ANXA10: variants seen among roughly 807,000 people sequenced by gnomAD.
ANXA10 encodes annexin A10, also known as annexin 14.
ANXA10 carries 49 observed loss-of-function variants against 53.5 expected under a neutral mutation model. That is an observed-to-expected ratio of 0.92 (90% CI 0.73 to 1.16). The LOEUF (loss-of-function observed/expected upper bound fraction) is 1.16, where lower values mean the gene tolerates loss of function less well. Ranked by LOEUF, ANXA10 falls within the 50% of genes most tolerant of loss-of-function variation. ANXA10 has a pLI of 0.00. For missense variants in ANXA10, 393 were observed against 394.4 expected, an observed-to-expected ratio of 1.00 and a Z score of 0.03; for synonymous variants, 131 against 128.9, an observed-to-expected ratio of 1.02 and a Z score of -0.11.
At position 168,162,559 on chromosome 4, in the gene ANXA10, C is replaced by T. The variant is rs375945140; in HGVS notation, c.227C>T (p.Ser76Leu). ...ATTGGGGATATGAGGGAGCAGCTTTCGGATCACTTCAAAGATGTGATGGCT... is the reference window on the plus strand; with the variant it reads ...ATTGGGGATATGAGGGAGCAGCTTTTGGATCACTTCAAAGATGTGATGGCT... ...DLIGDMREQL[S>L]DHFKDVMAGL... The change falls in exon 4 of 12, where the codon TCG (serine) becomes TTG (leucine). Residue 76 changes from serine to leucine, a missense_variant. Physicochemically the swap from Ser to Leu is moderately radical, Grantham distance 145 (BLOSUM62 -2). Coordinates refer to ENST00000359299, the MANE Select transcript of ANXA10 (RefSeq NM_007193.5). 28 of 1,613,738 alleles carry T rather than the reference C, an allele frequency of 1.7e-5. 1 individual carries two copies. The Admixed American group carries it at 2.0e-4, about 12-fold the overall frequency.
intron 3 of ANXA10, among the ~76,000 whole-genome samples, chr4:168,142,542 T>C (rs1190674085): frequency 2.0e-5 from 3 of 152,152 alleles, no homozygotes; most frequent in Non-Finnish European, 2.9e-5. Flanking sequence ...GGGCTGCTAA[T>C]ACATCCTTTT....
At chr4:168,129,151 G>T (rs1731119320) in intron 2 of ANXA10, among the ~76,000 whole-genome samples, 2 of 152,098 alleles carry the variant, frequency 1.3e-5, no homozygotes, top group Non-Finnish European at 2.9e-5. Context: ...CGCCTTTACA[G>T]GAGCTTGACT....
At chr4:168,125,255 C>T (rs1579211083) in intron 1 of ANXA10, among the ~76,000 whole-genome samples, 1 of 152,152 alleles carries the variant, frequency 6.6e-6, no homozygotes, top group Non-Finnish European at 1.5e-5. Flanking sequence ...GCCTCATGAA[C>T]GGAAATCCTA....
chr4:168,162,713 G>A, intron 4 of ANXA10, 72 bp downstream of exon 4: 1 of 1,091,106 alleles, frequency 9.2e-7, no homozygotes, highest in South Asian at 1.3e-5. Context: ...AAACTGCCCT[G>A]TGATGCTCCT....
In ANXA10 at chr4:168,092,561, T is replaced by C; in HGVS notation, c.-140T>C. Reference sequence around the variant, plus strand: ...TATCCAGATTTGCTTTTACATTTTCTTGCCTGAGTCTGAGGTGAACAGTGA... The same window carrying C: ...TATCCAGATTTGCTTTTACATTTTCCTGCCTGAGTCTGAGGTGAACAGTGA... On this transcript the variant is annotated 5_prime_UTR_variant, in exon 1 of 12. Coordinates refer to ENST00000359299, the MANE Select transcript of ANXA10 (RefSeq NM_007193.5). 1 of 799,108 alleles carries C rather than the reference T, an allele frequency of 1.3e-6. No homozygotes were observed. The allele number at this position is 799,108 out of a possible 1,614,324, so 49.5% of individuals were successfully genotyped here. A position where few individuals can be genotyped will look rare whatever the true frequency, so the allele number is the denominator to read the frequency against.
chr4:168,119,007 A>G (rs185218574), intron 1 of ANXA10, among the ~76,000 whole-genome samples: 31 of 152,288 alleles, frequency 2.0e-4, no homozygotes, highest in Admixed American at 1.9e-3. Flanking sequence ...AACTAGCTGA[A>G]AATATTTCAT....
chr4:168,136,358 G>C (rs1432735510), intron 2 of ANXA10, among the ~76,000 whole-genome samples: 1 of 152,190 alleles, frequency 6.6e-6, no homozygotes, highest in Non-Finnish European at 1.5e-5. Flanking sequence ...AAAGTCTCAT[G>C]TGAGACAAGG....
intron 4 of ANXA10, 126 bp downstream of exon 4, chr4:168,162,767 A>C (rs12506651): frequency 6.9e-6 from 5 of 729,820 alleles, no homozygotes; most frequent in Admixed American, 2.4e-5. Context: ...TATCTAAACA[A>C]TGATGTAACA....
intron 3 of ANXA10, among the ~76,000 whole-genome samples, chr4:168,145,473 G>A (rs879461045): frequency 1.5e-4 from 23 of 152,130 alleles, no homozygotes; most frequent in African/African-American, 4.3e-4. Context: ...AAGCTAGTTC[G>A]GCGTATGACC....
intron 9 of ANXA10, among the ~76,000 whole-genome samples, chr4:168,180,950 C>T (rs576744741): frequency 2.0e-5 from 3 of 152,162 alleles, no homozygotes; most frequent in African/African-American, 7.2e-5. Context: ...TCCATAGTTT[C>T]CCCTTAAGAG....
At chr4:168,112,569 TA>T (rs1730828522) in intron 1 of ANXA10, among the ~76,000 whole-genome samples, 1 of 152,132 alleles carries the variant, frequency 6.6e-6, no homozygotes, top group Non-Finnish European at 1.5e-5. Flanking sequence ...ATACATTAAT[TA>T]TATATTAATT....
At chr4:168,183,153 C>T (rs1197029201) in intron 10 of ANXA10, among the ~76,000 whole-genome samples, 2 of 151,906 alleles carry the variant, frequency 1.3e-5, no homozygotes, top group East Asian at 1.9e-4. Flanking sequence ...CAGTTTTATC[C>T]TCAAGGTAAA....
chr4:168,156,338 GTA>G (rs569756948), intron 3 of ANXA10, among the ~76,000 whole-genome samples: 1,096 of 84,984 alleles, frequency 0.013, 74 homozygotes, highest in East Asian at 0.13. Context: ...ATATTATATA[GTA>G]TATATGTTAT....
intron 1 of ANXA10, among the ~76,000 whole-genome samples, chr4:168,109,794 C>G (rs1044086581): frequency 6.6e-6 from 1 of 152,156 alleles, no homozygotes; most frequent in African/African-American, 2.4e-5. Flanking sequence ...CTTTATAAAA[C>G]TAGGTACTCC....
chr4:168,143,235 G>A (rs191248367), intron 3 of ANXA10, among the ~76,000 whole-genome samples: 3 of 152,190 alleles, frequency 2.0e-5, no homozygotes, highest in Admixed American at 6.5e-5. Context: ...ACCTGGCCAA[G>A]GTGTATCTCC....
At chr4:168,164,156 A>G (rs1468164112) in intron 4 of ANXA10, 42 bp from the exon 5 acceptor site, 6 of 1,435,918 alleles carry the variant, frequency 4.2e-6, no homozygotes, top group Non-Finnish European at 5.9e-6. Context: ...ATTACTTCCA[A>G]TAAAAATATC....
At chr4:168,105,328 T>C (rs183472769) in intron 1 of ANXA10, among the ~76,000 whole-genome samples, 14 of 152,184 alleles carry the variant, frequency 9.2e-5, no homozygotes, top group Admixed American at 7.2e-4. Flanking sequence ...CCATGTGTTC[T>C]CATTATTTAG....
intron 1 of ANXA10, among the ~76,000 whole-genome samples, chr4:168,099,571 A>G (rs922302999): frequency 6.6e-6 from 1 of 152,136 alleles, no homozygotes; most frequent in Non-Finnish European, 1.5e-5. Flanking sequence ...TCATGTAACA[A>G]TGGTTACAAC....
At chr4:168,099,033 A>G (rs1730597808) in intron 1 of ANXA10, among the ~76,000 whole-genome samples, 1 of 152,200 alleles carries the variant, frequency 6.6e-6, no homozygotes, top group South Asian at 2.1e-4. Flanking sequence ...TTTTATTTTT[A>G]AATAAGCCAG....
Sources: gnomAD v4.1 joint callset for allele counts (sites outside exome capture counted in the v4.1 genomes callset) on GRCh38, gnomAD v4.1.1 for gene constraint, MANE v1.5 for transcripts, NCBI Gene and HGNC (gene_info 2026-07-23, HGNC 2026-07-21) for gene names.